The following TNS1 variants were observed in gnomAD, a reference collection of about 807,000 sequenced individuals.
TNS1 encodes tensin 1.
In TNS1, 62 loss-of-function variants were observed where a neutral mutation model predicts 168.6. The observed-to-expected ratio is 0.37, with a 90% CI of 0.30 to 0.45. The LOEUF is 0.45. Among genes scored for constraint, TNS1 ranks in the 20% least tolerant of loss-of-function variants. The pLI is 1.00. For missense variants in TNS1, 2,240 were observed against 2,339.4 expected, an observed-to-expected ratio of 0.96 and a Z score of 0.88; for synonymous variants, 934 against 933.2, an observed-to-expected ratio of 1.00 and a Z score of -0.02.
At chr2:217,811,426 A>G (rs1940874150) in intron 28 of TNS1, among the ~76,000 whole-genome samples, 1 of 152,204 alleles carries the variant, frequency 6.6e-6, no homozygotes, top group Non-Finnish European at 1.5e-5. Context: ...TAATAATTCA[A>G]TGAACTGAAT....
At chr2:217,957,004 C>T (rs1209406814) in intron 3 of TNS1, among the ~76,000 whole-genome samples, 3 of 152,224 alleles carry the variant, frequency 2.0e-5, no homozygotes, top group Non-Finnish European at 4.4e-5. Context: ...GTGACCCAAG[C>T]TTGACAGCAG....
At chr2:217,955,207 T>C (rs1040482891) in intron 3 of TNS1, among the ~76,000 whole-genome samples, 6 of 152,212 alleles carry the variant, frequency 3.9e-5, no homozygotes, top group Non-Finnish European at 7.3e-5. Context: ...CTCACCCCCG[T>C]GGGTTCCACG....
In TNS1 at chr2:217,813,122, C is replaced by G. The variant is rs1941268727; in HGVS notation, c.4954+93G>C. The stretch of plus-strand genomic sequence containing the variant: ...GACAAGGGTGACTGGCAGAGCCTGT[C>G]AGAAAGAACTTGGGGTCAGACCCCT... On this transcript the variant is annotated intron_variant, in intron 27 of 32. Transcript: ENST00000682258. This position sits in a 1 kb window ranked among gnomAD's most constrained non-coding sequence, Gnocchi z 4.0. 1.3e-5 allele frequency: 11 copies of G among 853,466 alleles called. No homozygotes were observed. Among genetic ancestry groups the G allele is most frequent in the Admixed American group, 2.2e-5 (1 of 45,414 alleles). The allele number at this position is 853,466 out of a possible 1,614,324, so 52.9% of individuals were successfully genotyped here. A position where few individuals can be genotyped will look rare whatever the true frequency, so the allele number is the denominator to read the frequency against.
chr2:218,001,819 G>T (rs1353234935), intron 1 of TNS1, among the ~76,000 whole-genome samples: 1 of 151,900 alleles, frequency 6.6e-6, no homozygotes, highest in African/African-American at 2.4e-5. Context: ...GCTTGCCTGG[G>T]CCAAGAGGGC....
intron 18 of TNS1, among the ~76,000 whole-genome samples, chr2:217,866,191 G>C (rs1949256084): frequency 6.6e-6 from 1 of 152,216 alleles, no homozygotes; most frequent in South Asian, 2.1e-4. Flanking sequence ...AATGCTGCCT[G>C]GCTGCAGCAG....
At chr2:217,976,421 C>T (rs1448629197) in intron 3 of TNS1, among the ~76,000 whole-genome samples, 1 of 152,196 alleles carries the variant, frequency 6.6e-6, no homozygotes, top group East Asian at 1.9e-4. Flanking sequence ...GCAGTAAGAG[C>T]TCTGGTTTCA....
chr2:217,960,164 G>A (rs755218474), intron 3 of TNS1, among the ~76,000 whole-genome samples: 41 of 152,194 alleles, frequency 2.7e-4, no homozygotes, highest in Admixed American at 2.4e-3. Flanking sequence ...GAGTGTCCCC[G>A]ACTCATTGAC....
chr2:218,011,273 G>A (rs1229608044), upstream of TNS1, among the ~76,000 whole-genome samples: 2 of 152,174 alleles, frequency 1.3e-5, no homozygotes, highest in South Asian at 2.1e-4. Context: ...GAGGGGAGGC[G>A]GAGGTCCTGG....
intron 1 of TNS1, among the ~76,000 whole-genome samples, chr2:217,994,054 CAG>C (rs1958424657): frequency 6.6e-6 from 1 of 152,020 alleles, no homozygotes; most frequent in African/African-American, 2.4e-5. Context: ...CCCTGGTGGT[CAG>C]GGAGGCCTCT....
intron 17 of TNS1, chr2:217,881,683 T>C (rs907851329): frequency 1.3e-5 from 2 of 152,314 alleles, no homozygotes; most frequent in Non-Finnish European, 2.9e-5. Flanking sequence ...TATATGCCTA[T>C]GTAACAAATC....
intron 3 of TNS1, among the ~76,000 whole-genome samples, chr2:217,975,017 A>G (rs1249349675): frequency 6.6e-6 from 1 of 152,254 alleles, no homozygotes; most frequent in Non-Finnish European, 1.5e-5. Context: ...AGGATAGTGT[A>G]TAAAAGACAT....
chr2:218,009,593 C>A (rs1241523246), intron 1 of TNS1, among the ~76,000 whole-genome samples: 3 of 151,960 alleles, frequency 2.0e-5, no homozygotes, highest in Non-Finnish European at 4.4e-5. Context: ...TCCCTCCATC[C>A]TGAATAAGTG....
At chr2:217,974,365 C>T (rs1212699215) in intron 3 of TNS1, among the ~76,000 whole-genome samples, 1 of 152,198 alleles carries the variant, frequency 6.6e-6, no homozygotes, top group African/African-American at 2.4e-5. Context: ...AGTGATTTTG[C>T]TGCTACTTCT....
rs536351947 is a variant in TNS1, at chr2:217,800,863, C to T, written c.*3596G>A. On this transcript the variant is annotated 3_prime_UTR_variant, in exon 33 of 33. Coordinates refer to ENST00000682258, the MANE Select transcript of TNS1 (RefSeq NM_001387777.1). Reference sequence around the variant, plus strand: ...CACACTCACCACCCTTCTGTGCCCCCTGGACAGCATGCTCCCCTGGAGCCC... The same window carrying T: ...CACACTCACCACCCTTCTGTGCCCCTTGGACAGCATGCTCCCCTGGAGCCC... 1 of 152,322 alleles carries T rather than the reference C, an allele frequency of 6.6e-6. No individual in the cohort carries two copies. The highest frequency in any genetic ancestry group is 1.5e-5 in the Non-Finnish European group (1 of 68,056). The allele number at this position is 152,322 out of a possible 1,614,324, so 9.4% of individuals were successfully genotyped here. A position where few individuals can be genotyped will look rare whatever the true frequency, so the allele number is the denominator to read the frequency against.
intron 3 of TNS1, among the ~76,000 whole-genome samples, chr2:217,973,973 A>G (rs1016523053): frequency 6.6e-6 from 1 of 152,264 alleles, no homozygotes; most frequent in Admixed American, 6.5e-5. Context: ...AGCTCCTGCA[A>G]TCCGCAAGAA....
chr2:217,882,422 A>G lies in TNS1; in HGVS notation c.1247-11T>C. The G allele has an allele frequency of 1.3e-6, 2 of 1,588,662 alleles. No homozygotes were observed. Among genetic ancestry groups the G allele is most frequent in the Non-Finnish European group, 8.5e-7 (1 of 1,171,260 alleles). The stretch of plus-strand genomic sequence containing the variant: ...CTGGAAATCGATCATCTGGAAAAAG[A>G]GAAGGAAAAATAAAAATAGGCAAAA... On this transcript the variant is annotated splice_polypyrimidine_tract_variant and intron_variant, in intron 16 of 32. Transcript: ENST00000682258.
chr2:217,872,270 A>G (rs1949835967), intron 18 of TNS1, among the ~76,000 whole-genome samples: 1 of 152,184 alleles, frequency 6.6e-6, no homozygotes, highest in African/African-American at 2.4e-5. Context: ...TGAAAAGACC[A>G]CTCACAGAAT....
intron 3 of TNS1, among the ~76,000 whole-genome samples, chr2:217,966,437 T>C (rs1957643434): frequency 6.6e-6 from 1 of 152,116 alleles, no homozygotes; most frequent in African/African-American, 2.4e-5. Flanking sequence ...ACCTACCTCA[T>C]CCTTGAATCC....
exon 1 of TNS1, chr2:218,010,401 G>A (rs1958695482): frequency 5.2e-6 from 2 of 388,028 alleles, no homozygotes; most frequent in Middle Eastern, 6.5e-4. Context: ...GGAGGCCCGC[G>A]GCGCGGCCCG....
Sources: allele counts gnomAD v4.1 joint callset (sites outside exome capture counted in the v4.1 genomes callset), GRCh38; gene constraint gnomAD v4.1.1; non-coding constraint Gnocchi (gnomAD v3.1); transcripts MANE v1.5; gene names NCBI Gene and HGNC (gene_info 2026-07-23, HGNC 2026-07-21).